RBBP4: variants seen among roughly 807,000 people sequenced by gnomAD.
The protein encoded by RBBP4 is histone-binding protein RBBP4.
Under a neutral mutation model 57.2 loss-of-function variants are expected in RBBP4, and 3 were observed. The observed-to-expected ratio is 0.05, with a 90% CI of 0.02 to 0.14. The LOEUF (loss-of-function observed/expected upper bound fraction) is 0.14, where lower values mean the gene tolerates loss of function less well. Among genes scored for constraint, RBBP4 ranks in the 10% least tolerant of loss-of-function variants. The pLI, the probability that RBBP4 is intolerant of heterozygous loss-of-function variation, is 1.00. For missense variants in RBBP4, 107 were observed against 520.6 expected (o/e 0.21, Z 7.73); for synonymous variants, 151 against 171.5 (o/e 0.88, Z 0.93).
At position 32,672,434 on chromosome 1, in the gene RBBP4, T is replaced by C; in HGVS notation, c.967-16T>C. On this transcript the variant is annotated splice_polypyrimidine_tract_variant and intron_variant, in intron 8 of 11. Transcript: ENST00000373493. ...CTAATTCATGGCTTTGCTCTTTTCTTCATTCCTATGTGTAGGTTCAGTGGT... is the reference window on the plus strand; with the variant it reads ...CTAATTCATGGCTTTGCTCTTTTCTCCATTCCTATGTGTAGGTTCAGTGGT... 1 of 1,555,124 alleles carries C rather than the reference T, an allele frequency of 6.4e-7. No homozygotes were observed. The highest frequency in any genetic ancestry group is 1.4e-5 in the African/African-American group (1 of 73,042).
Position 32,680,774 on chromosome 1 carries a change from A to G in RBBP4, c.*1069A>G, listed in dbSNP as rs1649383123. 2.0e-6 allele frequency: 1 copy of G among 492,624 alleles called. No individual in the cohort carries two copies. Among genetic ancestry groups the G allele is most frequent in the South Asian group, 3.9e-5 (1 of 25,376 alleles). 30.5% of individuals were successfully genotyped at this position (492,624 alleles called of 1,614,324 possible). A position where few individuals can be genotyped will look rare whatever the true frequency, so the allele number is the denominator to read the frequency against. The stretch of plus-strand genomic sequence containing the variant: ...GTCTTTGACTATCAAGAGCAGAATT[A>G]AATGTAATAGTCCCAGAGCTGTAGA... On this transcript the variant is annotated 3_prime_UTR_variant, in exon 12 of 12. Coordinates refer to ENST00000373493, the MANE Select transcript of RBBP4 (RefSeq NM_005610.3).
rs1570887093 is a variant in RBBP4 at position 32,682,317 on chromosome 1, A to C, written c.*2612A>C. Reference sequence around the variant, plus strand: ...ATGCCTGTAATCCCAGCTACTTAGCAGGCTGAGGCAGGAGTATTGTTTGAA... The same window carrying C: ...ATGCCTGTAATCCCAGCTACTTAGCCGGCTGAGGCAGGAGTATTGTTTGAA... On this transcript the variant is annotated 3_prime_UTR_variant, in exon 12 of 12. Coordinates refer to ENST00000373493, the MANE Select transcript of RBBP4 (RefSeq NM_005610.3). The C allele has an allele frequency of 6.4e-6, 1 of 157,382 alleles. No homozygotes were observed. Among genetic ancestry groups the C allele is most frequent in the African/African-American group, 2.4e-5 (1 of 41,608 alleles). The allele number at this position is 157,382 out of a possible 1,614,324, so 9.7% of individuals were successfully genotyped here.
Position 32,683,847 on chromosome 1 carries a change from G to A in RBBP4, c.*4142G>A. On this transcript the variant is annotated 3_prime_UTR_variant, in exon 12 of 12. Transcript: ENST00000373493. ...GGAGTTTTGCCATGTTGGCCAGGCT[G>A]GTCTTGAACTCCTGACTCCAGGTGA... The A allele has an allele frequency of 1.6e-6, 1 of 634,528 alleles. No individual in the cohort carries two copies. Among genetic ancestry groups the A allele is most frequent in the East Asian group, 2.8e-5 (1 of 35,462 alleles). 39.3% of individuals were successfully genotyped at this position (634,528 alleles called of 1,614,324 possible).
intron 11 of RBBP4, among the ~76,000 whole-genome samples, chr1:32,673,881 G>C (rs1398371422): frequency 1.3e-5 from 2 of 152,030 alleles, no homozygotes; most frequent in Non-Finnish European, 2.9e-5. Flanking sequence ...GGTGGATCAC[G>C]AGGTCAGGAG....
chr1:32,665,180 T>C (rs974862274), intron 3 of RBBP4, among the ~76,000 whole-genome samples: 1 of 152,196 alleles, frequency 6.6e-6, no homozygotes, highest in Non-Finnish European at 1.5e-5. Context: ...TTTCATAGAT[T>C]GTAGATGCTT....
Position 32,669,708 on chromosome 1 carries a change from G to A in RBBP4, c.966+145G>A. Reference sequence around the variant, plus strand: ...GATCGAGACCATCCTGGCTAACACGGTGAAACCCTGTCTCTACTAAAAATA... The same window carrying A: ...GATCGAGACCATCCTGGCTAACACGATGAAACCCTGTCTCTACTAAAAATA... On this transcript the variant is annotated intron_variant, in intron 8 of 11. Transcript: ENST00000373493. This position sits in a 1 kb window ranked among gnomAD's most constrained non-coding sequence, Gnocchi z 4.9. The A allele has an allele frequency of 7.7e-7, 1 of 1,293,120 alleles. No homozygotes were observed. The highest frequency in any genetic ancestry group is 1.5e-5 in the African/African-American group (1 of 65,276). The allele number at this position is 1,293,120 out of a possible 1,614,324, so 80.1% of individuals were successfully genotyped here.
At chr1:32,677,566 G>C (rs1649159861) in intron 11 of RBBP4, among the ~76,000 whole-genome samples, 1 of 152,274 alleles carries the variant, frequency 6.6e-6, no homozygotes, top group South Asian at 2.1e-4. Flanking sequence ...TCAGACCTGA[G>C]GAGGCAGTAG....
At chr1:32,664,703 G>A (rs528306179) in intron 3 of RBBP4, among the ~76,000 whole-genome samples, 1 of 152,044 alleles carries the variant, frequency 6.6e-6, no homozygotes, top group Admixed American at 6.6e-5. Context: ...CACCCGTCTC[G>A]GCCTCCCAAA....
At chr1:32,662,039 C>T (rs1242788573) in intron 3 of RBBP4, among the ~76,000 whole-genome samples, 1 of 151,272 alleles carries the variant, frequency 6.6e-6, no homozygotes, top group African/African-American at 2.4e-5. Context: ...GTCTGTGCCA[C>T]CACACCCAGC....
chr1:32,678,329 C>T (rs558145184), intron 11 of RBBP4, among the ~76,000 whole-genome samples: 3 of 151,844 alleles, frequency 2.0e-5, no homozygotes, highest in South Asian at 2.1e-4. Context: ...TGGGTTCAAG[C>T]GATTCTCCTG....
intron 2 of RBBP4, among the ~76,000 whole-genome samples, chr1:32,655,564 CAGA>C (rs1384169397): frequency 6.6e-6 from 1 of 152,172 alleles, no homozygotes; most frequent in Non-Finnish European, 1.5e-5. Flanking sequence ...GACATCTGTG[CAGA>C]AGAATTCCTA....
At chr1:32,674,003 A>G (rs1389688631) in intron 11 of RBBP4, among the ~76,000 whole-genome samples, 7 of 152,076 alleles carry the variant, frequency 4.6e-5, no homozygotes, top group Non-Finnish European at 1.5e-5. Flanking sequence ...CAGGAGGCTG[A>G]GGCAGGAAAA....
At chr1:32,661,841 G>A (rs962486063) in intron 3 of RBBP4, among the ~76,000 whole-genome samples, 2 of 108,326 alleles carry the variant, frequency 1.8e-5, no homozygotes, top group Non-Finnish European at 3.7e-5. Context: ...TATGTGTTTT[G>A]AGAAGTGTCT....
intron 3 of RBBP4, among the ~76,000 whole-genome samples, chr1:32,661,965 A>G (rs981397881): frequency 1.3e-4 from 16 of 126,782 alleles, no homozygotes; most frequent in Non-Finnish European, 2.5e-4. Flanking sequence ...GGCTCACTGC[A>G]ACTTCCGCCT....
chr1:32,657,112 C>G (rs1392394391), intron 2 of RBBP4, among the ~76,000 whole-genome samples: 1 of 152,008 alleles, frequency 6.6e-6, no homozygotes, highest in Non-Finnish European at 1.5e-5. Context: ...CCCGTCTCTA[C>G]TAAAAATACG....
chr1:32,669,715 C>G lies in RBBP4; in HGVS notation c.966+152C>G. On this transcript the variant is annotated intron_variant, in intron 8 of 11. Transcript: ENST00000373493. The surrounding 1 kb of genome is among the most constrained non-coding windows in gnomAD (Gnocchi z 4.9). ...ACCATCCTGGCTAACACGGTGAAAC[C>G]CTGTCTCTACTAAAAATATAAAAAA... 7.8e-7 allele frequency: 1 copy of G among 1,277,140 alleles called. No individual in the cohort carries two copies. Among genetic ancestry groups the G allele is most frequent in the Non-Finnish European group, 1.0e-6 (1 of 995,926 alleles). The allele number at this position is 1,277,140 out of a possible 1,614,324, so 79.1% of individuals were successfully genotyped here.
chr1:32,683,708 A>G lies in RBBP4; in HGVS notation c.*4003A>G. On this transcript the variant is annotated 3_prime_UTR_variant, in exon 12 of 12. Coordinates refer to ENST00000373493, the MANE Select transcript of RBBP4 (RefSeq NM_005610.3). ...GAGTGCTGTATTGTGATCTTGACTC[A>G]CTGCAACCTCTGCCTCCTGGTTCAA... The G allele has an allele frequency of 3.3e-6, 1 of 298,714 alleles. No homozygotes were observed. Among genetic ancestry groups the G allele is most frequent in the South Asian group, 3.8e-5 (1 of 26,202 alleles). The allele number at this position is 298,714 out of a possible 1,614,324, so 18.5% of individuals were successfully genotyped here. A position where few individuals can be genotyped will look rare whatever the true frequency, so the allele number is the denominator to read the frequency against.
intron 8 of RBBP4, among the ~76,000 whole-genome samples, chr1:32,670,469 A>AAGAAAT (rs1557858321): frequency 1.3e-5 from 2 of 152,236 alleles, no homozygotes; most frequent in Non-Finnish European, 1.5e-5. Context: ...AAATTAAAAA[A>AAGAAAT]AGAAATAATC....
chr1:32,683,613 G>A lies in RBBP4; in HGVS notation c.*3908G>A, dbSNP rs540501088. On this transcript the variant is annotated 3_prime_UTR_variant, in exon 12 of 12. Coordinates refer to ENST00000373493, the MANE Select transcript of RBBP4 (RefSeq NM_005610.3). ...TCCCCTTGTCATTAGGCACACAAGG[G>A]TTTTTTGTTGTTTTTGTTTTTTGGG... The A allele has an allele frequency of 3.0e-4, 47 of 158,722 alleles. No individual in the cohort carries two copies. The highest frequency in any genetic ancestry group is 1.3e-3 in the Admixed American group (20 of 15,864). The allele number at this position is 158,722 out of a possible 1,614,324, so 9.8% of individuals were successfully genotyped here.
Sources: allele counts gnomAD v4.1 joint callset (sites outside exome capture counted in the v4.1 genomes callset), GRCh38; gene constraint gnomAD v4.1.1; non-coding constraint Gnocchi (gnomAD v3.1); transcripts MANE v1.5; gene names NCBI Gene and HGNC (gene_info 2026-07-23, HGNC 2026-07-21).